Variants in TMEM272 observed in about 807,000 individuals in gnomAD.
The protein encoded by TMEM272 is long intergenic non-protein coding RNA 282.
In TMEM272, 8 loss-of-function variants were observed where a neutral mutation model predicts 3.7. That is an observed-to-expected ratio of 2.17 (90% confidence interval 1.27 to 3.91). TMEM272 has a LOEUF of 3.91. Among genes scored for constraint, TMEM272 ranks in the 30% most tolerant of loss-of-function variants. The pLI is 0.00. For missense variants in TMEM272, 166 were observed against 91.5 expected (o/e 1.81, Z -3.32); for synonymous variants, 63 against 39.8 (o/e 1.58, Z -2.20).
chr13:51,913,739 G>A, the TMEM272 span, among the ~76,000 whole-genome samples: 6 of 152,148 alleles, frequency 3.9e-5, no homozygotes, highest in African/African-American at 1.4e-4. Flanking sequence ...TCATCTATTA[G>A]CCTTTTCTCC....
chr13:51,878,114 TG>T, the TMEM272 span, among the ~76,000 whole-genome samples: 1 of 152,040 alleles, frequency 6.6e-6, no homozygotes, highest in African/African-American at 2.4e-5. Context: ...CCAAGCAAAG[TG>T]GGGGAAACGC....
chr13:51,921,715 A>G, the TMEM272 span: 1 of 152,314 alleles, frequency 6.6e-6, no homozygotes, highest in African/African-American at 2.4e-5. Flanking sequence ...ATAAGGGGAT[A>G]ATGGTCTGCT....
At chr13:51,852,877 C>T in the TMEM272 span, among the ~76,000 whole-genome samples, 1 of 138,816 alleles carries the variant, frequency 7.2e-6, no homozygotes, top group Non-Finnish European at 1.5e-5. Context: ...AGCAAAACTC[C>T]GTCAAAAAAA....
Position 51,837,442 on chromosome 13 carries a change from C to T in TMEM272, c.58+1031G>A, listed in dbSNP as rs143403009. 1.9e-3 allele frequency among the ~76,000 whole-genome samples: 290 copies of T among 152,316 alleles called. 2 individuals carry two copies. Among genetic ancestry groups the T allele is most frequent in the African/African-American group, 6.7e-3 (277 of 41,570 alleles). On this transcript the variant is annotated intron_variant, in intron 2 of 4. Coordinates refer to ENST00000629372, the MANE Select transcript of TMEM272 (RefSeq NM_001351003.2). Reference sequence around the variant, plus strand: ...CTCCAGCACCACTGTCCCACTCTGGCCCTCACAGCAGTAGGTGTGCTCCAG... The same window carrying T: ...CTCCAGCACCACTGTCCCACTCTGGTCCTCACAGCAGTAGGTGTGCTCCAG...
chr13:51,900,729 G>A, the TMEM272 span, among the ~76,000 whole-genome samples: 31 of 152,288 alleles, frequency 2.0e-4, no homozygotes, highest in Non-Finnish European at 3.2e-4. Context: ...ATCAACGAAT[G>A]AGTGGACAAA....
intron 2 of TMEM272, among the ~76,000 whole-genome samples, chr13:51,836,921 A>G (rs976626881): frequency 6.6e-6 from 1 of 152,220 alleles, no homozygotes; most frequent in African/African-American, 2.4e-5. Context: ...CGGGGACTCA[A>G]TCACAAAGGG....
chr13:51,877,486 T>C, the TMEM272 span, among the ~76,000 whole-genome samples: 1 of 152,226 alleles, frequency 6.6e-6, no homozygotes, highest in Admixed American at 6.5e-5. Flanking sequence ...TAATTGAACA[T>C]TGTGCTTGTT....
the TMEM272 span, among the ~76,000 whole-genome samples, chr13:51,887,538 C>T: frequency 2.0e-5 from 3 of 152,212 alleles, no homozygotes; most frequent in African/African-American, 7.2e-5. Flanking sequence ...TGACAGACTG[C>T]CCAGGACAGA....
chr13:51,839,975 T>C (rs926156012), intron 1 of TMEM272, among the ~76,000 whole-genome samples: 4 of 152,114 alleles, frequency 2.6e-5, no homozygotes, highest in Non-Finnish European at 5.9e-5. Context: ...TGACCAGAGA[T>C]AGTCAGTCCC....
At chr13:51,818,756 T>A (rs575816240) in intron 4 of TMEM272, among the ~76,000 whole-genome samples, 1 of 152,242 alleles carries the variant, frequency 6.6e-6, no homozygotes, top group African/African-American at 2.4e-5. Flanking sequence ...TGGAGAGTTA[T>A]TACTTATGTA....
At chr13:51,863,672 G>GACAC in the TMEM272 span, among the ~76,000 whole-genome samples, 4,963 of 134,352 alleles carry the variant, frequency 0.037, 229 homozygotes, top group African/African-American at 0.11. Flanking sequence ...CGCGCACACA[G>GACAC]ACACACACAC....
At chr13:51,890,159 G>A in the TMEM272 span, among the ~76,000 whole-genome samples, 1 of 152,136 alleles carries the variant, frequency 6.6e-6, no homozygotes, top group Non-Finnish European at 1.5e-5. Context: ...GGGAGCTACA[G>A]TTGTTCAATG....
At chr13:51,897,362 ATT>A in the TMEM272 span, among the ~76,000 whole-genome samples, 33 of 82,432 alleles carry the variant, frequency 4.0e-4, no homozygotes, top group East Asian at 7.4e-3. Flanking sequence ...TGTCTGGCTA[ATT>A]TTTTTTTTTT....
the TMEM272 span, among the ~76,000 whole-genome samples, chr13:51,871,192 CTTTT>C: frequency 7.3e-6 from 1 of 137,596 alleles, no homozygotes; most frequent in Non-Finnish European, 1.6e-5. Context: ...CAGAGTATGA[CTTTT>C]TTTTTTTTTT....
chr13:51,813,879 C>T lies in TMEM272; in HGVS notation c.*2872G>A, dbSNP rs1365837491. On this transcript the variant is annotated 3_prime_UTR_variant, in exon 5 of 5. Coordinates refer to ENST00000629372, the MANE Select transcript of TMEM272 (RefSeq NM_001351003.2). ...TTCTCAGATGGGAAGAACAGATTATCCCTCTCTGCCACATAATTTGTTCCC... is the reference window on the plus strand; with the variant it reads ...TTCTCAGATGGGAAGAACAGATTATTCCTCTCTGCCACATAATTTGTTCCC... The T allele has an allele frequency of 6.6e-6, 1 of 152,218 alleles. No individual in the cohort carries two copies. The highest frequency in any genetic ancestry group is 1.5e-5 in the Non-Finnish European group (1 of 68,050). 9.4% of individuals were successfully genotyped at this position (152,218 alleles called of 1,614,324 possible).
At chr13:51,878,002 C>T in the TMEM272 span, among the ~76,000 whole-genome samples, 774 of 152,268 alleles carry the variant, frequency 5.1e-3, 8 homozygotes, top group African/African-American at 0.017. Context: ...TGCGGTTCCG[C>T]GGGGCTGAAG....
At chr13:51,893,330 T>A in the TMEM272 span, among the ~76,000 whole-genome samples, 1 of 152,348 alleles carries the variant, frequency 6.6e-6, no homozygotes, top group Non-Finnish European at 1.5e-5. Flanking sequence ...AAGCTCTGTC[T>A]CCCTCAGTAA....
chr13:51,863,918 AC>A, the TMEM272 span, among the ~76,000 whole-genome samples: 1 of 152,146 alleles, frequency 6.6e-6, no homozygotes, highest in African/African-American at 2.4e-5. Flanking sequence ...TCCTTATCTG[AC>A]AACACTGAGC....
chr13:51,827,942 C>T (rs181614037), intron 2 of TMEM272, among the ~76,000 whole-genome samples: 36 of 152,334 alleles, frequency 2.4e-4, no homozygotes, highest in Non-Finnish European at 3.7e-4. Flanking sequence ...ACAGAACTTC[C>T]AGAAACAAGG....
Sources: allele counts gnomAD v4.1 joint callset (sites outside exome capture counted in the v4.1 genomes callset), GRCh38; gene constraint gnomAD v4.1.1; transcripts MANE v1.5; gene names NCBI Gene and HGNC (gene_info 2026-07-23, HGNC 2026-07-21).